FSTL5: variants seen among roughly 807,000 people sequenced by gnomAD.
The protein encoded by FSTL5 is follistatin-related protein 5.
FSTL5 carries 62 observed loss-of-function variants against 89.1 expected under a neutral mutation model. The ratio of observed to expected loss-of-function variants is 0.70; its 90% confidence interval spans 0.57 to 0.86. FSTL5 has a LOEUF of 0.86. Ranked by LOEUF, FSTL5 falls within the 40% of genes least tolerant of loss-of-function variation. FSTL5 has a pLI of 0.00. For missense variants in FSTL5, 1,057 were observed against 1,001.6 expected (o/e 1.06, Z -0.75); for synonymous variants, 383 against 346.2 (o/e 1.11, Z -1.18).
chr4:161,404,824 A>T (rs1731308700), intron 15 of FSTL5, among the ~76,000 whole-genome samples: 1 of 149,996 alleles, frequency 6.7e-6, no homozygotes, highest in African/African-American at 2.5e-5. Flanking sequence ...GCAATATATA[A>T]AAAAAAACTA....
chr4:161,688,397 ACT>A (rs1737814131), intron 6 of FSTL5, among the ~76,000 whole-genome samples: 1 of 151,848 alleles, frequency 6.6e-6, no homozygotes, highest in Admixed American at 6.6e-5. Context: ...AGTCTGTCAT[ACT>A]CTGTTATAAC....
intron 6 of FSTL5, among the ~76,000 whole-genome samples, chr4:161,681,844 T>C (rs932458069): frequency 4.6e-5 from 7 of 152,146 alleles, no homozygotes; most frequent in Non-Finnish European, 1.0e-4. Context: ...CGGGAAGGTG[T>C]TATGTTTAGT....
intron 4 of FSTL5, among the ~76,000 whole-genome samples, chr4:161,783,628 CTT>C (rs1377439438): frequency 1.5e-5 from 1 of 67,026 alleles, no homozygotes; most frequent in Admixed American, 1.9e-4. Flanking sequence ...TTTTCTTTCT[CTT>C]TCTTTTCTTT....
At chr4:161,828,419 G>A (rs1474289814) in intron 4 of FSTL5, among the ~76,000 whole-genome samples, 1 of 152,144 alleles carries the variant, frequency 6.6e-6, no homozygotes, top group Non-Finnish European at 1.5e-5. Context: ...CTAGATGTAT[G>A]TGTTTCCACA....
intron 2 of FSTL5, among the ~76,000 whole-genome samples, chr4:162,052,752 A>T (rs936058593): frequency 6.6e-6 from 1 of 151,856 alleles, no homozygotes; most frequent in African/African-American, 2.4e-5. Context: ...TATGTGAATT[A>T]ACAGCATAAA....
intron 6 of FSTL5, among the ~76,000 whole-genome samples, chr4:161,747,797 C>T (rs1000643645): frequency 3.3e-5 from 5 of 152,206 alleles, no homozygotes; most frequent in Non-Finnish European, 5.9e-5. Context: ...GGCAGCTACA[C>T]AGCACTTAGT....
chr4:161,497,659 T>C (rs966786719), intron 12 of FSTL5, among the ~76,000 whole-genome samples: 1 of 152,048 alleles, frequency 6.6e-6, no homozygotes, highest in Non-Finnish European at 1.5e-5. Context: ...CTTGCATGTA[T>C]TTTTATGTTG....
At chr4:161,906,787 A>AT (rs1206463712) in intron 4 of FSTL5, among the ~76,000 whole-genome samples, 1 of 152,048 alleles carries the variant, frequency 6.6e-6, no homozygotes, top group Non-Finnish European at 1.5e-5. Context: ...TCATTTATTT[A>AT]TTTTTTGTTC....
chr4:161,800,148 A>C (rs965905549), intron 4 of FSTL5, among the ~76,000 whole-genome samples: 3 of 151,664 alleles, frequency 2.0e-5, no homozygotes, highest in Non-Finnish European at 4.4e-5. Context: ...TTTAATTTCC[A>C]TATGTAGTCT....
chr4:161,670,338 GAGA>G (rs1737056333), intron 6 of FSTL5, among the ~76,000 whole-genome samples: 1 of 152,080 alleles, frequency 6.6e-6, no homozygotes. Context: ...ACAGATATAA[GAGA>G]AGAATATTAA....
chr4:161,703,389 T>G (rs1171302442), intron 6 of FSTL5, among the ~76,000 whole-genome samples: 1 of 152,084 alleles, frequency 6.6e-6, no homozygotes, highest in African/African-American at 2.4e-5. Context: ...TTGCACCAAG[T>G]TAATAAATTT....
rs575198679 is a variant in FSTL5, at chr4:161,501,439, T to C, written c.1340-1305A>G. On this transcript the variant is annotated intron_variant, in intron 11 of 15. Transcript: ENST00000306100. ...ACTATGTATCCATATATTCCTAAGATTTAGAGAAAAATGTATATAAACTAA... is the reference window on the plus strand; with the variant it reads ...ACTATGTATCCATATATTCCTAAGACTTAGAGAAAAATGTATATAAACTAA... Among the ~76,000 whole-genome samples, 4 of 152,154 alleles carry C rather than the reference T, an allele frequency of 2.6e-5. No individual in the cohort carries two copies. The South Asian group carries it at 8.3e-4, about 32-fold the overall frequency.
intron 12 of FSTL5, among the ~76,000 whole-genome samples, chr4:161,483,191 A>G (rs1729579004): frequency 6.6e-6 from 1 of 152,216 alleles, no homozygotes; most frequent in Non-Finnish European, 1.5e-5. Context: ...TTTCTTCAGA[A>G]ATATACTGAA....
rs188427018 is a variant in FSTL5 at position 161,693,918 on chromosome 4, G to T, written c.728-37424C>A. Among the ~76,000 whole-genome samples, 119 of 152,130 alleles carry T rather than the reference G, an allele frequency of 7.8e-4. 1 individual carries two copies. The East Asian group carries it at 0.021, about 27-fold the overall frequency. ...CTCCCAAAGTGCTAGGATTACAGGC[G>T]TGAGCCACTGTGCCCAGCCTTCTTG... On this transcript the variant is annotated intron_variant, in intron 6 of 15. Coordinates refer to ENST00000306100, the MANE Select transcript of FSTL5 (RefSeq NM_020116.5).
chr4:161,759,136 C>A (rs181836165), intron 6 of FSTL5, among the ~76,000 whole-genome samples: 14 of 152,180 alleles, frequency 9.2e-5, no homozygotes, highest in African/African-American at 3.4e-4. Flanking sequence ...CTAAAATAAC[C>A]TTGAAAGCAG....
At chr4:161,838,066 G>A (rs925422681) in intron 4 of FSTL5, among the ~76,000 whole-genome samples, 1 of 152,030 alleles carries the variant, frequency 6.6e-6, no homozygotes. Context: ...GATTCAACAA[G>A]ATATATCCAG....
intron 4 of FSTL5, among the ~76,000 whole-genome samples, chr4:161,783,995 G>A (rs999575191): frequency 6.6e-6 from 1 of 151,066 alleles, no homozygotes; most frequent in Non-Finnish European, 1.5e-5. Context: ...CAGTGCGGTG[G>A]CGTGATCTCG....
chr4:161,397,633 C>T (rs1057311661), intron 15 of FSTL5, among the ~76,000 whole-genome samples: 1 of 135,218 alleles, frequency 7.4e-6, no homozygotes, highest in Non-Finnish European at 1.6e-5. Context: ...CTATTAGAAA[C>T]AAAAAACATA....
chr4:162,087,310 T>C (rs973517), intron 2 of FSTL5, among the ~76,000 whole-genome samples: 90,271 of 151,996 alleles, frequency 0.59, 26,998 homozygotes, highest in Middle Eastern at 0.71. Flanking sequence ...AAGAAATGTT[T>C]AACTATTTAT....
Sources: allele counts gnomAD v4.1 joint callset (sites outside exome capture counted in the v4.1 genomes callset), GRCh38; gene constraint gnomAD v4.1.1; transcripts MANE v1.5; gene names NCBI Gene and HGNC (gene_info 2026-07-23, HGNC 2026-07-21).